Variants in MLC1 observed in about 807,000 individuals in gnomAD.
The protein encoded by MLC1 is modulator of VRAC current 1.
A neutral mutation model predicts 44.7 loss-of-function variants in MLC1; 32 were observed. That is an observed-to-expected ratio of 0.72 (90% confidence interval 0.54 to 0.96). The LOEUF is 0.96. MLC1 is among the 40% of genes least tolerant of loss of function. The pLI, the probability that MLC1 is intolerant of heterozygous loss-of-function variation, is 0.00. For missense variants in MLC1, 459 were observed against 492.2 expected, an observed-to-expected ratio of 0.93 and a Z score of 0.64; for synonymous variants, 190 against 213.0, an observed-to-expected ratio of 0.89 and a Z score of 0.94.
In MLC1 at chr22:50,082,665, CTTG is replaced by C. The variant is rs113172542; in HGVS notation, c.267+416_267+418del. Among the ~76,000 whole-genome samples the C allele has an allele frequency of 2.2e-3, 333 of 151,910 alleles. 1 individual carries two copies. Among genetic ancestry groups the C allele is most frequent in the African/African-American group, 7.6e-3 (314 of 41,456 alleles). ...CATATGAAGAGTTTTTTGTTTTTTTCTTGTTGTTGTTGTTTTGAGACGAAGTTT... is the reference window on the plus strand; with the variant it reads ...CATATGAAGAGTTTTTTGTTTTTTTCTTGTTGTTGTTTTGAGACGAAGTTT... On this transcript the variant is annotated intron_variant, in intron 3 of 11. Coordinates refer to ENST00000311597, the MANE Select transcript of MLC1 (RefSeq NM_015166.4).
intron 8 of MLC1, among the ~76,000 whole-genome samples, chr22:50,071,671 C>G (rs1260921998): frequency 1.3e-5 from 2 of 152,238 alleles, no homozygotes; most frequent in African/African-American, 4.8e-5. Context: ...GCTGACTTGA[C>G]TCACTGGGTT....
At chr22:50,062,919 G>C (rs982729353) in intron 11 of MLC1, among the ~76,000 whole-genome samples, 6 of 152,182 alleles carry the variant, frequency 3.9e-5, no homozygotes, top group Admixed American at 1.3e-4. Flanking sequence ...GGCAGGGCCC[G>C]GGGGAACATT....
At chr22:50,077,099 T>C (rs2062002952) in intron 6 of MLC1, among the ~76,000 whole-genome samples, 187 bp from the exon 7 acceptor site, 1 of 152,140 alleles carries the variant, frequency 6.6e-6, no homozygotes, top group Non-Finnish European at 1.5e-5. Flanking sequence ...CATATGAAAA[T>C]TAGCAGATGT....
intron 11 of MLC1, among the ~76,000 whole-genome samples, chr22:50,062,161 C>A (rs1293861580): frequency 1.3e-5 from 2 of 150,696 alleles, no homozygotes; most frequent in East Asian, 3.9e-4. Context: ...CCCCTGGGCC[C>A]CAGCCGTCCA....
Position 50,079,906 on chromosome 22 carries a change from G to T in MLC1, c.423+12C>A. On this transcript the variant is annotated intron_variant, in intron 5 of 11. Transcript: ENST00000311597. Reference sequence around the variant, plus strand: ...GGTGTCAGGCGTCTGCGCGAAGCTCGTGTGAACTCACGTTTATTGCTGATG... The same window carrying T: ...GGTGTCAGGCGTCTGCGCGAAGCTCTTGTGAACTCACGTTTATTGCTGATG... 6.3e-7 allele frequency: 1 copy of T among 1,592,766 alleles called. No individual in the cohort carries two copies. The highest frequency in any genetic ancestry group is 8.6e-7 in the Non-Finnish European group (1 of 1,160,594).
At chr22:50,084,393 A>C (rs1400359969) in intron 2 of MLC1, among the ~76,000 whole-genome samples, 2 of 152,096 alleles carry the variant, frequency 1.3e-5, no homozygotes, top group Non-Finnish European at 2.9e-5. Flanking sequence ...CCACCTTTGC[A>C]GGTGACCCCT....
chr22:50,065,321 G>A (rs1302095033), intron 10 of MLC1, among the ~76,000 whole-genome samples: 7 of 152,098 alleles, frequency 4.6e-5, no homozygotes, highest in South Asian at 4.1e-4. Flanking sequence ...TTTGCTCTTC[G>A]GTTGTTGAGA....
In MLC1 at chr22:50,061,662, A is replaced by G. The variant is rs1249277589; in HGVS notation, c.1060-5T>C. 6.2e-7 allele frequency: 1 copy of G among 1,612,700 alleles called. No homozygotes were observed. The highest frequency in any genetic ancestry group is 1.1e-5 in the South Asian group (1 of 91,062). On this transcript the variant is annotated splice_polypyrimidine_tract_variant and splice_region_variant and intron_variant, in intron 11 of 11. Transcript: ENST00000311597. The stretch of plus-strand genomic sequence containing the variant: ...CTTCAGGGGGCTCCTGGCCACCTGC[A>G]ACCGAGACAGGAAAGGTGTTACTTC...
chr22:50,080,553 C>G (rs1419462555), intron 3 of MLC1, among the ~76,000 whole-genome samples, 156 bp from the exon 4 acceptor site: 1 of 152,128 alleles, frequency 6.6e-6, no homozygotes, highest in Non-Finnish European at 1.5e-5. Context: ...GACTAGAAGG[C>G]CCCCAGGTAC....
intron 3 of MLC1, 77 bp from the exon 4 acceptor site, chr22:50,080,474 C>T (rs931894350): frequency 3.5e-6 from 5 of 1,427,472 alleles, no homozygotes; most frequent in Admixed American, 2.0e-5. Context: ...AACATTTGCG[C>T]TTCCAGAAGG....
intron 11 of MLC1, among the ~76,000 whole-genome samples, chr22:50,063,075 C>A (rs752062978): frequency 5.9e-5 from 9 of 152,200 alleles, no homozygotes; most frequent in Non-Finnish European, 5.9e-5. Context: ...GGAGTCCTCA[C>A]AAAGCCCTCT....
At chr22:50,066,393 C>T (rs1348503233) in intron 10 of MLC1, among the ~76,000 whole-genome samples, 1 of 152,130 alleles carries the variant, frequency 6.6e-6, no homozygotes, top group Non-Finnish European at 1.5e-5. Context: ...GGCACGGTGG[C>T]TCACGTCTGT....
Position 50,080,004 on chromosome 22 carries a change from T to A in MLC1, c.337A>T (p.Ile113Leu), listed in dbSNP as rs140143664. The stretch of plus-strand genomic sequence containing the variant: ...ACAGCAAACGTGGAAACAAACAATA[T>A]CTGAAAGTTGGGAATCTGAAAAACA... ...RNANVIPNFQILFVSTFAVTT... is the reference protein window; with the variant it reads ...RNANVIPNFQLLFVSTFAVTT... Residue 113 changes from isoleucine (I) to leucine (L), a missense_variant, in exon 5 of 12, where the codon ATA (isoleucine) becomes TTA (leucine). Transcript: ENST00000311597. 6.2e-7 allele frequency: 1 copy of A among 1,613,746 alleles called. No individual in the cohort carries two copies. Among genetic ancestry groups the A allele is most frequent in the Non-Finnish European group, 8.5e-7 (1 of 1,179,722 alleles).
chr22:50,074,992 C>A (rs1040111905), intron 7 of MLC1, among the ~76,000 whole-genome samples: 6 of 152,268 alleles, frequency 3.9e-5, no homozygotes, highest in Non-Finnish European at 8.8e-5. Context: ...CCACTGCAAA[C>A]AAAGCTGCTG....
At chr22:50,081,215 T>C (rs137927) in intron 3 of MLC1, among the ~76,000 whole-genome samples, 86,873 of 151,382 alleles carry the variant, frequency 0.57, 25,192 homozygotes, top group African/African-American at 0.61. Context: ...TGGTGGCGGG[T>C]GCCTGTAGTC....
intron 10 of MLC1, 45 bp from the exon 11 acceptor site, chr22:50,064,243 C>T (rs2061656305): frequency 1.3e-6 from 2 of 1,554,020 alleles, no homozygotes; most frequent in African/African-American, 1.3e-5. Context: ...AGCCGCCCTC[C>T]AGCCCAGGAG....
intron 9 of MLC1, among the ~76,000 whole-genome samples, chr22:50,070,138 G>GTT (rs576802434): frequency 5.4e-4 from 82 of 152,190 alleles, no homozygotes; most frequent in African/African-American, 1.9e-3. Context: ...GGAGGCGGAG[G>GTT]TTGCAGTGAG....
intron 9 of MLC1, among the ~76,000 whole-genome samples, chr22:50,070,096 G>A (rs2146826131): frequency 6.6e-6 from 1 of 152,240 alleles, no homozygotes; most frequent in African/African-American, 2.4e-5. Context: ...CAGCTACTCA[G>A]GAGGCTGAGG....
intron 7 of MLC1, among the ~76,000 whole-genome samples, chr22:50,075,946 C>T (rs1355571073): frequency 2.6e-5 from 4 of 151,892 alleles, no homozygotes; most frequent in South Asian, 2.1e-4. Flanking sequence ...TATCAAGGAG[C>T]GTATTAGAAT....
Sources: gnomAD v4.1 joint callset for allele counts (sites outside exome capture counted in the v4.1 genomes callset) on GRCh38, gnomAD v4.1.1 for gene constraint, MANE v1.5 for transcripts, NCBI Gene and HGNC (gene_info 2026-07-23, HGNC 2026-07-21) for gene names.